SCYL2: variants seen among roughly 807,000 people sequenced by gnomAD.
The protein encoded by SCYL2 is SCY1-like protein 2.
In SCYL2, 36 loss-of-function variants were observed where a neutral mutation model predicts 100.4. The ratio of observed to expected loss-of-function variants is 0.36; its 90% CI spans 0.27 to 0.47. The LOEUF (loss-of-function observed/expected upper bound fraction) is 0.47. Among genes scored for constraint, SCYL2 ranks in the 20% least tolerant of loss-of-function variants. The pLI, the probability that SCYL2 is intolerant of heterozygous loss-of-function variation, is 1.00. For missense variants in SCYL2, 902 were observed against 1,083.9 expected, an observed-to-expected ratio of 0.83 and a Z score of 2.36; for synonymous variants, 330 against 359.2, an observed-to-expected ratio of 0.92 and a Z score of 0.92.
rs775502245 is a variant in SCYL2 at position 100,298,201 on chromosome 12, A to C, written c.480+26A>C. ...GTATGTATTTTTATTCATCATGTAA[A>C]AAAGAGTTGTTTCCTTTAAAATTGG... On this transcript the variant is annotated intron_variant, in intron 4 of 17. Coordinates refer to ENST00000360820, the MANE Select transcript of SCYL2 (RefSeq NM_017988.6). 3.8e-5 allele frequency: 56 copies of C among 1,464,154 alleles called. No homozygotes were observed. The East Asian group carries it at 1.4e-3, about 36-fold the overall frequency. 90.7% of individuals were successfully genotyped at this position (1,464,154 alleles called of 1,614,324 possible). A position where few individuals can be genotyped will look rare whatever the true frequency, so the allele number is the denominator to read the frequency against.
Position 100,334,232 on chromosome 12 carries a change from C to G in SCYL2, c.1828C>G (p.Leu610Val). The change falls in exon 14 of 18, where the codon CTG (leucine) becomes GTG (valine). Residue 610 changes from leucine to valine, a missense_variant. Coordinates refer to ENST00000360820, the MANE Select transcript of SCYL2 (RefSeq NM_017988.6). ...ATTGGAGTCTGAACATAAGACTAAA[C>G]TGGAGCAACTTCATATAATGCAAGA... ...NRLESEHKTK[L>V]EQLHIMQEQQ... 1 of 1,602,422 alleles carries G rather than the reference C, an allele frequency of 6.2e-7. No homozygotes were observed. Among genetic ancestry groups the G allele is most frequent in the South Asian group, 1.1e-5 (1 of 90,906 alleles).
At chr12:100,269,577 A>G (rs552033509) in intron 1 of SCYL2, among the ~76,000 whole-genome samples, 2 of 152,262 alleles carry the variant, frequency 1.3e-5, no homozygotes, top group African/African-American at 2.4e-5. Context: ...TTATCTTATC[A>G]TCACTGTTAA....
At chr12:100,323,727 T>C in intron 11 of SCYL2, 89 bp downstream of exon 11, 1 of 689,940 alleles carries the variant, frequency 1.4e-6, no homozygotes, top group Non-Finnish European at 2.4e-6. Context: ...CTTTTATAGA[T>C]TGTTGATGTA....
chr12:100,326,554 A>C, intron 11 of SCYL2, 68 bp from the exon 12 acceptor site: 1 of 1,128,456 alleles, frequency 8.9e-7, no homozygotes, highest in Non-Finnish European at 1.2e-6. Context: ...GATTAAGTTT[A>C]CACTTAAATA....
intron 3 of SCYL2, among the ~76,000 whole-genome samples, chr12:100,292,581 CA>C (rs1592938385): frequency 6.6e-6 from 1 of 151,824 alleles, no homozygotes; most frequent in East Asian, 1.9e-4. Context: ...TTCAAAGGCA[CA>C]AGATCTTTTT....
chr12:100,273,545 TCCATG>T (rs1306990047), intron 1 of SCYL2, among the ~76,000 whole-genome samples: 1 of 152,204 alleles, frequency 6.6e-6, no homozygotes, highest in Non-Finnish European at 1.5e-5. Context: ...CAAATGAATT[TCCATG>T]CCTGTTCTTT....
chr12:100,274,286 A>G (rs2096290439), intron 1 of SCYL2, among the ~76,000 whole-genome samples: 1 of 152,194 alleles, frequency 6.6e-6, no homozygotes, highest in South Asian at 2.1e-4. Context: ...CCTCTTGCAC[A>G]TTTTTTAAGT....
chr12:100,337,936 T>C (rs886592640), intron 17 of SCYL2, among the ~76,000 whole-genome samples: 1 of 152,212 alleles, frequency 6.6e-6, no homozygotes, highest in African/African-American at 2.4e-5. Flanking sequence ...TGTTTTCTCC[T>C]GTGTTCCAGG....
intron 12 of SCYL2, among the ~76,000 whole-genome samples, chr12:100,327,713 A>G (rs1952150126): frequency 6.6e-6 from 1 of 151,996 alleles, no homozygotes; most frequent in Non-Finnish European, 1.5e-5. Flanking sequence ...ACAGGGTTTC[A>G]TCATCTTGGC....
At chr12:100,316,230 G>A (rs1374890310) in intron 9 of SCYL2, among the ~76,000 whole-genome samples, 3 of 152,324 alleles carry the variant, frequency 2.0e-5, no homozygotes, top group African/African-American at 2.4e-5. Context: ...ATGTGTATAT[G>A]TATTGTAAGT....
intron 7 of SCYL2, 84 bp downstream of exon 7, chr12:100,313,622 T>C (rs1332449258): frequency 2.8e-6 from 2 of 725,372 alleles, no homozygotes; most frequent in Non-Finnish European, 4.8e-6. Context: ...TAAAAAAATA[T>C]TTTTCCCCAG....
chr12:100,337,779 A>G (rs1952298281), intron 17 of SCYL2, among the ~76,000 whole-genome samples: 1 of 152,192 alleles, frequency 6.6e-6, no homozygotes, highest in South Asian at 2.1e-4. Flanking sequence ...GTACTCATTC[A>G]ACTCTGTTCA....
At chr12:100,338,441 C>T in intron 17 of SCYL2, 87 bp from the exon 18 acceptor site, 2 of 1,198,330 alleles carry the variant, frequency 1.7e-6, no homozygotes, top group South Asian at 1.6e-5. Context: ...TCTAACTTGT[C>T]CTTTATAATT....
chr12:100,323,511 T>G lies in SCYL2; in HGVS notation c.1396-14T>G. On this transcript the variant is annotated splice_polypyrimidine_tract_variant and intron_variant, in intron 10 of 17. Coordinates refer to ENST00000360820, the MANE Select transcript of SCYL2 (RefSeq NM_017988.6). ...GTCTTTCCCTAATATTGATTCAGTT[T>G]ATTTTCTTTATAGGAGCTCTGTCTA... The G allele has an allele frequency of 1.4e-6, 2 of 1,422,712 alleles. No homozygotes were observed. The highest frequency in any genetic ancestry group is 4.6e-5 in the East Asian group (2 of 43,702). The allele number at this position is 1,422,712 out of a possible 1,614,324, so 88.1% of individuals were successfully genotyped here. A position where few individuals can be genotyped will look rare whatever the true frequency, so the allele number is the denominator to read the frequency against.
intron 9 of SCYL2, among the ~76,000 whole-genome samples, chr12:100,316,736 T>C (rs1317495176): frequency 6.6e-6 from 1 of 152,320 alleles, no homozygotes; most frequent in African/African-American, 2.4e-5. Flanking sequence ...TCAGTCAAGA[T>C]AGTACCCTAA....
intron 6 of SCYL2, 25 bp downstream of exon 6, chr12:100,312,678 T>G (rs2096343672): frequency 6.5e-7 from 1 of 1,546,804 alleles, no homozygotes; most frequent in African/African-American, 1.4e-5. Context: ...ATAATTTGCT[T>G]GCATTAAAAA....
rs1224956115 is a variant in SCYL2 at position 100,291,679 on chromosome 12, T to G, written c.335+19T>G. The G allele has an allele frequency of 5.8e-6, 9 of 1,562,556 alleles. No homozygotes were observed. Among genetic ancestry groups the G allele is most frequent in the Non-Finnish European group, 7.7e-6 (9 of 1,162,190 alleles). On this transcript the variant is annotated intron_variant, in intron 3 of 17. Coordinates refer to ENST00000360820, the MANE Select transcript of SCYL2 (RefSeq NM_017988.6). ...AATCCAGGTAAATTTTTACAAAAACTTACATAGTAGACTTCCTGAACAAAT... is the reference window on the plus strand; with the variant it reads ...AATCCAGGTAAATTTTTACAAAAACGTACATAGTAGACTTCCTGAACAAAT...
In SCYL2 at chr12:100,289,151, T is replaced by TA. The variant is rs1170208779; in HGVS notation, c.178-2351dup. On this transcript the variant is annotated intron_variant, in intron 2 of 17. Coordinates refer to ENST00000360820, the MANE Select transcript of SCYL2 (RefSeq NM_017988.6). ...TCGAATTAGTGTTATGTAAAACTCT[T>TA]ACCTCCTGGCTGTCCTGTGCCTCGT... Among the ~76,000 whole-genome samples, 5 of 152,210 alleles carry TA rather than the reference T, an allele frequency of 3.3e-5. No homozygotes were observed. In the East Asian group the frequency reaches 9.6e-4, roughly 29 times the overall value.
At chr12:100,331,721 T>C (rs1331334506) in intron 13 of SCYL2, among the ~76,000 whole-genome samples, 1 of 152,194 alleles carries the variant, frequency 6.6e-6, no homozygotes, top group East Asian at 1.9e-4. Flanking sequence ...TCTTGTATTT[T>C]ACAGTAGTTT....
Sources: gnomAD v4.1 joint callset for allele counts (sites outside exome capture counted in the v4.1 genomes callset) on GRCh38, gnomAD v4.1.1 for gene constraint, MANE v1.5 for transcripts, NCBI Gene and HGNC (gene_info 2026-07-23, HGNC 2026-07-21) for gene names.